GRIK2: variants seen among roughly 807,000 people sequenced by gnomAD.
GRIK2 encodes the protein glutamate ionotropic receptor kainate type subunit 2, also known as glutamate receptor ionotropic, kainate 2.
Under a neutral mutation model 100.3 loss-of-function variants are expected in GRIK2, and 32 were observed. The observed-to-expected ratio is 0.32, with a 90% CI of 0.24 to 0.43. The LOEUF (loss-of-function observed/expected upper bound fraction) is 0.43. Among genes scored for constraint, GRIK2 ranks in the 20% least tolerant of loss-of-function variants. The pLI is 1.00. For synonymous variants in GRIK2, 417 were observed against 389.4 expected, an observed-to-expected ratio of 1.07 and a Z score of -0.83; for missense variants, 843 against 1,114.9, an observed-to-expected ratio of 0.76 and a Z score of 3.47.
intron 2 of GRIK2, among the ~76,000 whole-genome samples, chr6:101,600,051 T>C (rs1329224610): frequency 6.6e-6 from 1 of 151,924 alleles, no homozygotes. Context: ...CATTTAAATA[T>C]TTAATCTGTC....
At chr6:101,478,824 T>G (rs972523644) in intron 2 of GRIK2, among the ~76,000 whole-genome samples, 2 of 152,180 alleles carry the variant, frequency 1.3e-5, no homozygotes, top group African/African-American at 4.8e-5. Flanking sequence ...GAGACTAATT[T>G]TAATGAATTT....
intron 7 of GRIK2, among the ~76,000 whole-genome samples, chr6:101,770,049 A>G (rs1778300830): frequency 6.6e-6 from 1 of 152,196 alleles, no homozygotes; most frequent in African/African-American, 2.4e-5. Context: ...TCAGACATAC[A>G]AGAATGGTAA....
At chr6:101,843,327 T>G (rs1783623618) in intron 10 of GRIK2, among the ~76,000 whole-genome samples, 1 of 152,206 alleles carries the variant, frequency 6.6e-6, no homozygotes, top group African/African-American at 2.4e-5. Context: ...CTTCATGTCC[T>G]TGTATCCCCC....
At chr6:101,712,260 G>A (rs1773770658) in intron 7 of GRIK2, among the ~76,000 whole-genome samples, 1 of 151,830 alleles carries the variant, frequency 6.6e-6, no homozygotes, top group South Asian at 2.1e-4. Flanking sequence ...CCACTGAGCA[G>A]CAGCATCAAC....
chr6:101,585,202 A>T (rs1339128231), intron 2 of GRIK2, among the ~76,000 whole-genome samples: 1 of 152,084 alleles, frequency 6.6e-6, no homozygotes, highest in African/African-American at 2.4e-5. Context: ...TTTGGTCAAA[A>T]GTTATCGAAT....
At chr6:101,747,404 G>A (rs1462070975) in intron 7 of GRIK2, among the ~76,000 whole-genome samples, 2 of 152,134 alleles carry the variant, frequency 1.3e-5, no homozygotes, top group Non-Finnish European at 2.9e-5. Context: ...CTGCAGAAAG[G>A]CAATGGCTTT....
At chr6:101,795,393 T>C (rs937159377) in intron 7 of GRIK2, among the ~76,000 whole-genome samples, 1 of 152,096 alleles carries the variant, frequency 6.6e-6, no homozygotes, top group African/African-American at 2.4e-5. Flanking sequence ...GAGTGCCAGG[T>C]AGTTCAGTCC....
At chr6:101,768,566 T>C (rs1399519566) in intron 7 of GRIK2, among the ~76,000 whole-genome samples, 2 of 152,234 alleles carry the variant, frequency 1.3e-5, no homozygotes, top group African/African-American at 4.8e-5. Flanking sequence ...GAATGAAAGC[T>C]GTCTTCCATA....
intron 16 of GRIK2, among the ~76,000 whole-genome samples, chr6:102,061,661 T>G (rs1771759048): frequency 6.6e-6 from 1 of 150,532 alleles, no homozygotes; most frequent in Non-Finnish European, 1.5e-5. Context: ...AGCCTCTCTA[T>G]TCTTCTTTTT....
intron 9 of GRIK2, among the ~76,000 whole-genome samples, chr6:101,812,917 A>C (rs753339741): frequency 6.6e-6 from 1 of 152,104 alleles, no homozygotes; most frequent in African/African-American, 2.4e-5. Context: ...TATGTTCAGA[A>C]AATGGAGAAA....
chr6:101,481,108 G>A (rs1224795442), intron 2 of GRIK2, among the ~76,000 whole-genome samples: 1 of 152,084 alleles, frequency 6.6e-6, no homozygotes, highest in Non-Finnish European at 1.5e-5. Context: ...AACATCCTTG[G>A]TGACACACTG....
chr6:101,730,131 T>C (rs1027586325), intron 7 of GRIK2, among the ~76,000 whole-genome samples: 8 of 151,984 alleles, frequency 5.3e-5, no homozygotes, highest in African/African-American at 1.9e-4. Context: ...AAAACACAGT[T>C]TACTTTGGCA....
At chr6:101,457,553 T>C (rs925321868) in intron 2 of GRIK2, among the ~76,000 whole-genome samples, 4 of 152,198 alleles carry the variant, frequency 2.6e-5, no homozygotes, top group Admixed American at 6.5e-5. Context: ...AAACCTGCTT[T>C]AATTATCATT....
At chr6:101,534,363 GTAAA>G (rs1450284919) in intron 2 of GRIK2, among the ~76,000 whole-genome samples, 1 of 151,860 alleles carries the variant, frequency 6.6e-6, no homozygotes, top group African/African-American at 2.4e-5. Context: ...TTTTGAGGAA[GTAAA>G]TAACTTTTTA....
At chr6:101,776,361 T>C (rs1388216784) in intron 7 of GRIK2, among the ~76,000 whole-genome samples, 1 of 152,186 alleles carries the variant, frequency 6.6e-6, no homozygotes, top group African/African-American at 2.4e-5. Flanking sequence ...TAAAGAATTA[T>C]GGAGAGAGAC....
At chr6:101,664,875 C>G (rs1769896993) in intron 4 of GRIK2, among the ~76,000 whole-genome samples, 1 of 152,068 alleles carries the variant, frequency 6.6e-6, no homozygotes, top group African/African-American at 2.4e-5. Context: ...AGGGAACAGC[C>G]CTTTTATAAA....
At chr6:101,568,579 A>G (rs1176466053) in intron 2 of GRIK2, among the ~76,000 whole-genome samples, 2 of 152,064 alleles carry the variant, frequency 1.3e-5, no homozygotes, top group Non-Finnish European at 2.9e-5. Context: ...GCATCTGGTT[A>G]TAAGAGGATG....
rs771949838 is a variant in GRIK2, at chr6:101,813,142, TACACAC to T, written c.1204-5214_1204-5209del. Among the ~76,000 whole-genome samples, 1,473 of 150,214 alleles carry T rather than the reference TACACAC, an allele frequency of 9.8e-3. 18 individuals carry two copies. The highest frequency in any genetic ancestry group is 0.034 in the African/African-American group (1,397 of 41,136). ...ATAGACATATGTAAACATCCACATA[TACACAC>T]ACACACACACACATATACACACACA... On this transcript the variant is annotated intron_variant, in intron 9 of 16. Transcript: ENST00000369134.
intron 2 of GRIK2, among the ~76,000 whole-genome samples, chr6:101,405,307 C>G (rs569818043): frequency 1.3e-5 from 2 of 151,158 alleles, no homozygotes; most frequent in African/African-American, 4.9e-5. Context: ...GGTTTAGGAC[C>G]AAGTTTCAAT....
Sources: gnomAD v4.1 joint callset for allele counts (sites outside exome capture counted in the v4.1 genomes callset) on GRCh38, gnomAD v4.1.1 for gene constraint, MANE v1.5 for transcripts, NCBI Gene and HGNC (gene_info 2026-07-23, HGNC 2026-07-21) for gene names.